The following SLC25A21 variants were observed in gnomAD, a reference collection of about 807,000 sequenced individuals.
SLC25A21 encodes the protein mitochondrial 2-oxodicarboxylate carrier.
Under a neutral mutation model 43.8 loss-of-function variants are expected in SLC25A21, and 47 were observed. The ratio of observed to expected loss-of-function variants is 1.07; its 90% CI spans 0.85 to 1.37. The LOEUF is 1.37. Ranked by LOEUF, SLC25A21 falls within the 40% of genes most tolerant of loss-of-function variation. The pLI is 0.00. For missense variants in SLC25A21, 352 were observed against 350.2 expected (o/e 1.00, Z -0.04); for synonymous variants, 131 against 121.3 (o/e 1.08, Z -0.52).
At chr14:36,744,019 A>T (rs906632027) in intron 3 of SLC25A21, among the ~76,000 whole-genome samples, 3 of 152,088 alleles carry the variant, frequency 2.0e-5, no homozygotes, top group Non-Finnish European at 1.5e-5. Context: ...ATTGCAAAAG[A>T]TTGAGAAAAG....
intron 1 of SLC25A21, among the ~76,000 whole-genome samples, chr14:37,056,469 C>T (rs1309399685): frequency 2.0e-5 from 3 of 147,870 alleles, no homozygotes; most frequent in Non-Finnish European, 4.5e-5. Context: ...CCAGCCTGGG[C>T]GACAGCGAGA....
At chr14:37,071,816 T>C (rs1309747455) in intron 1 of SLC25A21, among the ~76,000 whole-genome samples, 1 of 152,200 alleles carries the variant, frequency 6.6e-6, no homozygotes, top group Non-Finnish European at 1.5e-5. Context: ...TTGCATGTGC[T>C]GCTGAAGAAG....
chr14:36,760,420 TAGAG>T (rs1210000168), intron 3 of SLC25A21, among the ~76,000 whole-genome samples: 34 of 149,646 alleles, frequency 2.3e-4, no homozygotes, highest in African/African-American at 6.2e-4. Flanking sequence ...ATCTCTGGAG[TAGAG>T]AGATAGTAAT....
intron 3 of SLC25A21, among the ~76,000 whole-genome samples, chr14:36,772,653 A>G (rs1244042322): frequency 6.6e-6 from 1 of 152,218 alleles, no homozygotes; most frequent in Admixed American, 6.5e-5. Flanking sequence ...CACTAGCTTC[A>G]AAGTACATAT....
chr14:36,835,254 CTT>C (rs1411488739), intron 2 of SLC25A21, among the ~76,000 whole-genome samples: 2 of 152,200 alleles, frequency 1.3e-5, no homozygotes, highest in African/African-American at 4.8e-5. Flanking sequence ...CAAGGAAACA[CTT>C]GTGTTATTAT....
At chr14:36,882,389 T>G (rs943510990) in intron 1 of SLC25A21, among the ~76,000 whole-genome samples, 1 of 151,924 alleles carries the variant, frequency 6.6e-6, no homozygotes, top group African/African-American at 2.4e-5. Context: ...TCTCAAAAAA[T>G]AAAAAATAAC....
intron 1 of SLC25A21, among the ~76,000 whole-genome samples, chr14:36,978,280 T>C (rs1959928408): frequency 6.6e-6 from 1 of 152,162 alleles, no homozygotes; most frequent in Non-Finnish European, 1.5e-5. Flanking sequence ...AAGCGATTAC[T>C]ACAATAAGGT....
intron 3 of SLC25A21, among the ~76,000 whole-genome samples, chr14:36,813,416 G>A (rs1257268647): frequency 6.6e-6 from 1 of 151,690 alleles, no homozygotes. Flanking sequence ...CCGGAGTGCA[G>A]TGGCGCAATC....
intron 1 of SLC25A21, among the ~76,000 whole-genome samples, chr14:37,037,928 A>G (rs1961363814): frequency 6.6e-6 from 1 of 152,162 alleles, no homozygotes; most frequent in Non-Finnish European, 1.5e-5. Context: ...TGTATGCTGC[A>G]GATGTTTATA....
chr14:37,152,457 C>G (rs1314725557), intron 1 of SLC25A21, among the ~76,000 whole-genome samples: 1 of 149,574 alleles, frequency 6.7e-6, no homozygotes, highest in African/African-American at 2.5e-5. Flanking sequence ...TCTCAGCTCA[C>G]TGCAACCTCT....
At chr14:37,025,290 G>A (rs923714751) in intron 1 of SLC25A21, among the ~76,000 whole-genome samples, 5 of 152,064 alleles carry the variant, frequency 3.3e-5, no homozygotes, top group Non-Finnish European at 4.4e-5. Context: ...AGCTCCACCC[G>A]TATCTAATCC....
intron 1 of SLC25A21, among the ~76,000 whole-genome samples, chr14:37,153,492 C>A (rs1028489878): frequency 6.6e-6 from 1 of 152,128 alleles, no homozygotes. Context: ...GACTTGGTTG[C>A]GAGTTGGGTG....
At chr14:36,835,659 T>C (rs1416417234) in intron 2 of SLC25A21, among the ~76,000 whole-genome samples, 1 of 152,218 alleles carries the variant, frequency 6.6e-6, no homozygotes, top group Non-Finnish European at 1.5e-5. Flanking sequence ...TAATATCTTC[T>C]AAATAAGAAC....
intron 7 of SLC25A21, among the ~76,000 whole-genome samples, chr14:36,704,837 G>A (rs1411369441): frequency 6.6e-6 from 1 of 152,108 alleles, no homozygotes; most frequent in African/African-American, 2.4e-5. Context: ...GTAACTTCCT[G>A]TTAGGTTTCC....
At chr14:36,810,766 A>G (rs1888211505) in intron 3 of SLC25A21, among the ~76,000 whole-genome samples, 1 of 152,160 alleles carries the variant, frequency 6.6e-6, no homozygotes, top group Non-Finnish European at 1.5e-5. Flanking sequence ...TACAGAGCTA[A>G]TTGGGACATG....
intron 1 of SLC25A21, chr14:36,952,481 T>C (rs1455913299): frequency 6.6e-6 from 1 of 152,320 alleles, no homozygotes; most frequent in Non-Finnish European, 1.5e-5. Flanking sequence ...GTTGATAAGT[T>C]TCTTAAAAGG....
Position 37,015,039 on chromosome 14 carries a change from T to TTTA in SLC25A21, c.71-140038_71-140036dup, listed in dbSNP as rs548034724. ...GGGCACAGCAGATTTGGCATAATTC[T>TTTA]TTATTATTATTATTATTATACTTTA... is the stretch of plus-strand genomic sequence containing the variant. On this transcript the variant is annotated intron_variant, in intron 1 of 9. Transcript: ENST00000331299. Among the ~76,000 whole-genome samples, 1,461 of 151,814 alleles carry TTTA rather than the reference T, an allele frequency of 9.6e-3. 34 individuals are homozygous for TTTA. Among genetic ancestry groups the TTTA allele is most frequent in the African/African-American group, 0.032 (1,311 of 41,424 alleles).
At chr14:37,089,886 C>T (rs1237582782) in intron 1 of SLC25A21, among the ~76,000 whole-genome samples, 1 of 152,184 alleles carries the variant, frequency 6.6e-6, no homozygotes, top group African/African-American at 2.4e-5. Flanking sequence ...CATCTTCCAT[C>T]GCACATGTGG....
intron 1 of SLC25A21, among the ~76,000 whole-genome samples, chr14:36,996,853 T>C (rs1960382741): frequency 6.6e-6 from 1 of 151,748 alleles, no homozygotes; most frequent in African/African-American, 2.4e-5. Context: ...GTAAATGAGA[T>C]GAGGAAAAAA....
Sources: allele counts gnomAD v4.1 joint callset (sites outside exome capture counted in the v4.1 genomes callset), GRCh38; gene constraint gnomAD v4.1.1; transcripts MANE v1.5; gene names NCBI Gene and HGNC (gene_info 2026-07-23, HGNC 2026-07-21).